Variants in CRTC1 observed in about 807,000 individuals in gnomAD.
CRTC1 encodes CREB-regulated transcription coactivator 1.
CRTC1 carries 18 observed loss-of-function variants against 66.1 expected under a neutral mutation model. The observed-to-expected ratio is 0.27, with a 90% CI of 0.19 to 0.40. The LOEUF is 0.40. Among genes scored for constraint, CRTC1 ranks in the 10% least tolerant of loss-of-function variants. The pLI, the probability that CRTC1 is intolerant of heterozygous loss-of-function variation, is 1.00. For missense variants in CRTC1, 669 were observed against 887.9 expected, an observed-to-expected ratio of 0.75 and a Z score of 3.13; for synonymous variants, 416 against 398.8, an observed-to-expected ratio of 1.04 and a Z score of -0.51.
In CRTC1 at chr19:18,746,093, T is replaced by C. The variant is rs1041860675; in HGVS notation, c.381+133T>C. On this transcript the variant is annotated intron_variant, in intron 3 of 13. Transcript: ENST00000321949. The stretch of plus-strand genomic sequence containing the variant: ...GGGACAGAATCAGGGCAGCACCATC[T>C]GGGAGGCTTGATCTCAGGGCAGCCT... The C allele has an allele frequency of 1.2e-5, 15 of 1,268,674 alleles. No individual in the cohort carries two copies. In the Admixed American group the frequency reaches 2.6e-4, roughly 22 times the overall value. 78.6% of individuals were successfully genotyped at this position (1,268,674 alleles called of 1,614,324 possible).
In CRTC1 at chr19:18,743,223, A is replaced by G. The variant is rs371437723; in HGVS notation, c.243+197A>G. ...AGGGTGCCCCCGCAGCCCATTCCCC[A>G]TCAGCAGACCCCGAGGCGAGCCCTC... On this transcript the variant is annotated intron_variant, in intron 2 of 13. Coordinates refer to ENST00000321949, the MANE Select transcript of CRTC1 (RefSeq NM_015321.3). 9.2e-5 allele frequency among the ~76,000 whole-genome samples: 14 copies of G among 152,316 alleles called. No individual in the cohort carries two copies. In the East Asian group the frequency reaches 2.1e-3, roughly 23 times the overall value.
intron 1 of CRTC1, among the ~76,000 whole-genome samples, chr19:18,707,968 A>T (rs962302729): frequency 6.6e-6 from 1 of 152,270 alleles, no homozygotes; most frequent in African/African-American, 2.4e-5. Flanking sequence ...CTGTCAATGC[A>T]TGAACAGTCC....
intron 8 of CRTC1, among the ~76,000 whole-genome samples, chr19:18,764,297 A>G (rs987269847): frequency 6.6e-5 from 10 of 152,230 alleles, no homozygotes; most frequent in Admixed American, 2.0e-4. Flanking sequence ...GATGCTCTTC[A>G]GAGACTGCTC....
chr19:18,747,034 C>A lies in CRTC1; in HGVS notation c.382-19C>A. 1.2e-6 allele frequency: 2 copies of A among 1,610,956 alleles called. No homozygotes were observed. Among genetic ancestry groups the A allele is most frequent in the Non-Finnish European group, 1.7e-6 (2 of 1,178,002 alleles). ...GGCGGGGTCTCAGCCAGTGGCACTG[C>A]CCCCTTAACTCACCTCACGCCGACA... On this transcript the variant is annotated intron_variant, in intron 3 of 13. Coordinates refer to ENST00000321949, the MANE Select transcript of CRTC1 (RefSeq NM_015321.3).
At chr19:18,742,434 A>G (rs543127008) in intron 1 of CRTC1, among the ~76,000 whole-genome samples, 51 of 152,298 alleles carry the variant, frequency 3.3e-4, no homozygotes, top group African/African-American at 1.2e-3. Context: ...CGGGATCACA[A>G]GTCCCACGCT....
intron 1 of CRTC1, among the ~76,000 whole-genome samples, chr19:18,700,665 G>A (rs117326400): frequency 0.016 from 2,435 of 152,276 alleles, 41 homozygotes; most frequent in Middle Eastern, 0.088. Flanking sequence ...TCATTCGCCC[G>A]GAAATCTCTG....
chr19:18,768,817 G>C lies in CRTC1; in HGVS notation c.1320+24G>C, dbSNP rs377279164. On this transcript the variant is annotated intron_variant, in intron 10 of 13. Coordinates refer to ENST00000321949, the MANE Select transcript of CRTC1 (RefSeq NM_015321.3). The surrounding 1 kb of genome is among the most constrained non-coding windows in gnomAD (Gnocchi z 5.6). ...CGGTAAGCCCAGGGTGGGGTCCCTC[G>C]GGGCCTGACTGGGGGTCTTGTAGAG... 1 of 1,576,658 alleles carries C rather than the reference G, an allele frequency of 6.3e-7. No individual in the cohort carries two copies. The highest frequency in any genetic ancestry group is 8.6e-7 in the Non-Finnish European group (1 of 1,162,364).
chr19:18,692,264 C>T (rs141386916), intron 1 of CRTC1, among the ~76,000 whole-genome samples: 11 of 152,316 alleles, frequency 7.2e-5, no homozygotes, highest in Non-Finnish European at 1.0e-4. Context: ...CATCTGCAAG[C>T]GGCTGCAGCC....
intron 2 of CRTC1, among the ~76,000 whole-genome samples, chr19:18,745,306 C>G (rs1274206585): frequency 6.6e-6 from 1 of 152,184 alleles, no homozygotes; most frequent in Non-Finnish European, 1.5e-5. Context: ...GCCCTGGGCT[C>G]CACAAGGAAG....
chr19:18,702,288 T>C (rs2053162545), intron 1 of CRTC1, among the ~76,000 whole-genome samples: 1 of 151,930 alleles, frequency 6.6e-6, no homozygotes, highest in Non-Finnish European at 1.5e-5. Context: ...GGTGTGATCT[T>C]GGCTCACTGT....
intron 1 of CRTC1, among the ~76,000 whole-genome samples, chr19:18,724,804 A>G (rs905358989): frequency 7.7e-5 from 6 of 77,870 alleles, no homozygotes; most frequent in African/African-American, 3.2e-4. Context: ...TGTTTTTTCA[A>G]ATAAGGTCAT....
Position 18,768,887 on chromosome 19 carries a change from G to T in CRTC1, c.1320+94G>T. Reference sequence around the variant, plus strand: ...AACAGTCGGGTTACCTGCTGCATGGGCCAGGGGTCAGAACCCCAGCGAACG... The same window carrying T: ...AACAGTCGGGTTACCTGCTGCATGGTCCAGGGGTCAGAACCCCAGCGAACG... On this transcript the variant is annotated intron_variant, in intron 10 of 13. Coordinates refer to ENST00000321949, the MANE Select transcript of CRTC1 (RefSeq NM_015321.3). The surrounding 1 kb of genome is among the most constrained non-coding windows in gnomAD (Gnocchi z 5.6). The T allele has an allele frequency of 2.1e-6, 3 of 1,449,992 alleles. No homozygotes were observed. The highest frequency in any genetic ancestry group is 1.8e-6 in the Non-Finnish European group (2 of 1,092,944). The allele number at this position is 1,449,992 out of a possible 1,614,324, so 89.8% of individuals were successfully genotyped here.
At chr19:18,776,578 G>A (rs925147311) in intron 13 of CRTC1, among the ~76,000 whole-genome samples, 11 of 152,194 alleles carry the variant, frequency 7.2e-5, no homozygotes, top group African/African-American at 1.9e-4. Context: ...AGCAGTTGAC[G>A]AGAAATTCAA....
rs772510771 is a variant in CRTC1 at position 18,771,575 on chromosome 19, G to T, written c.1425+29G>T. 3.9e-6 allele frequency: 6 copies of T among 1,554,986 alleles called. No individual in the cohort carries two copies. The highest frequency in any genetic ancestry group is 3.5e-6 in the Non-Finnish European group (4 of 1,132,768). On this transcript the variant is annotated intron_variant, in intron 11 of 13. Coordinates refer to ENST00000321949, the MANE Select transcript of CRTC1 (RefSeq NM_015321.3). This position sits in a 1 kb window ranked among gnomAD's most constrained non-coding sequence, Gnocchi z 4.6. ...AGGGGCGCCGCCTCCCCCTTGGCCTGTGGGCTCCACGCTTGTCTTGTTCAT... is the reference window on the plus strand; with the variant it reads ...AGGGGCGCCGCCTCCCCCTTGGCCTTTGGGCTCCACGCTTGTCTTGTTCAT...
At chr19:18,711,258 G>A (rs1382369928) in intron 1 of CRTC1, among the ~76,000 whole-genome samples, 2 of 152,096 alleles carry the variant, frequency 1.3e-5, no homozygotes, top group Non-Finnish European at 2.9e-5. Context: ...CCAGGCCTTG[G>A]GTCAGCTCAG....
chr19:18,753,970 G>C (rs1171352163), intron 6 of CRTC1, among the ~76,000 whole-genome samples: 1 of 152,044 alleles, frequency 6.6e-6, no homozygotes. Flanking sequence ...GTATGGTAGT[G>C]CACGCCTGTA....
intron 2 of CRTC1, chr19:18,744,183 G>A (rs969881959): frequency 1.9e-6 from 3 of 1,605,402 alleles, no homozygotes; most frequent in Non-Finnish European, 2.5e-6. Context: ...CTGAGGCCGC[G>A]GCGTCCCCGG....
chr19:18,720,876 G>A (rs1483802317), intron 1 of CRTC1, among the ~76,000 whole-genome samples: 4 of 152,196 alleles, frequency 2.6e-5, no homozygotes, highest in Admixed American at 2.0e-4. Context: ...CTCTCTGCCC[G>A]AGTACACTGC....
At chr19:18,775,327 G>A (rs1461541737) in intron 12 of CRTC1, among the ~76,000 whole-genome samples, 1 of 152,252 alleles carries the variant, frequency 6.6e-6, no homozygotes, top group East Asian at 1.9e-4. Flanking sequence ...CCGTGCACGC[G>A]GGTTTGCCGG....
Sources: gnomAD v4.1 joint callset for allele counts (sites outside exome capture counted in the v4.1 genomes callset) on GRCh38, gnomAD v4.1.1 for gene constraint, Gnocchi (gnomAD v3.1) non-coding constraint, MANE v1.5 for transcripts, NCBI Gene and HGNC (gene_info 2026-07-23, HGNC 2026-07-21) for gene names.